VTI1A: variants seen among roughly 807,000 people sequenced by gnomAD.
VTI1A encodes the protein vesicle transport through interaction with t-SNAREs homolog 1A.
Under a neutral mutation model 34.9 loss-of-function variants are expected in VTI1A, and 22 were observed. The observed-to-expected ratio is 0.63, with a 90% CI of 0.45 to 0.90. The LOEUF is 0.90. Among genes scored for constraint, VTI1A ranks in the 40% least tolerant of loss-of-function variants. The pLI, the probability that VTI1A is intolerant of heterozygous loss-of-function variation, is 0.00. For synonymous variants in VTI1A, 87 were observed against 97.3 expected, an observed-to-expected ratio of 0.89 and a Z score of 0.62; for missense variants, 268 against 275.6, an observed-to-expected ratio of 0.97 and a Z score of 0.20.
intron 5 of VTI1A, among the ~76,000 whole-genome samples, chr10:112,616,372 A>G (rs1845514677): frequency 6.6e-6 from 1 of 152,198 alleles, no homozygotes; most frequent in Admixed American, 6.5e-5. Context: ...AAACTCTTCT[A>G]TTTAGCCAGT....
intron 5 of VTI1A, among the ~76,000 whole-genome samples, chr10:112,580,333 G>A (rs904643493): frequency 6.6e-6 from 1 of 152,166 alleles, no homozygotes; most frequent in Non-Finnish European, 1.5e-5. Context: ...CAAATAGGAA[G>A]CCAAGTTACT....
chr10:112,735,411 G>A (rs1182803936), intron 7 of VTI1A, among the ~76,000 whole-genome samples: 4 of 152,120 alleles, frequency 2.6e-5, no homozygotes, highest in Non-Finnish European at 5.9e-5. Flanking sequence ...TAAATTAAAT[G>A]CCGAGTAAAC....
chr10:112,447,612 T>C, intron 1 of VTI1A, 145 bp downstream of exon 1: 5 of 953,360 alleles, frequency 5.2e-6, no homozygotes, highest in Admixed American at 2.2e-5. Context: ...ACGGCTTGGC[T>C]TGGTTGAGGG....
chr10:112,686,709 A>C (rs759452523), intron 7 of VTI1A, among the ~76,000 whole-genome samples: 1 of 152,180 alleles, frequency 6.6e-6, no homozygotes, highest in Non-Finnish European at 1.5e-5. Context: ...AGTGCCTACT[A>C]TATGCTCTGG....
At chr10:112,517,128 A>G (rs897221659) in intron 3 of VTI1A, among the ~76,000 whole-genome samples, 1 of 152,004 alleles carries the variant, frequency 6.6e-6, no homozygotes, top group African/African-American at 2.4e-5. Context: ...AGAAGTTACA[A>G]TGAAGGAGAC....
chr10:112,811,054 G>A (rs1371183601), intron 7 of VTI1A, among the ~76,000 whole-genome samples: 4 of 152,234 alleles, frequency 2.6e-5, no homozygotes, highest in Admixed American at 6.5e-5. Context: ...TTGTCTGAGA[G>A]GCGGACGGTA....
chr10:112,824,610 A>T, the VTI1A span: 4 of 152,354 alleles, frequency 2.6e-5, no homozygotes, highest in Admixed American at 2.6e-4. Context: ...CTGTGGCTGG[A>T]ATGCGGCCAC....
At chr10:112,519,536 C>T (rs1389011351) in intron 3 of VTI1A, among the ~76,000 whole-genome samples, 1 of 151,980 alleles carries the variant, frequency 6.6e-6, no homozygotes, top group African/African-American at 2.4e-5. Flanking sequence ...AGAAACAAAA[C>T]CTTTAGACTA....
chr10:112,779,283 A>G (rs1438210900), intron 7 of VTI1A, among the ~76,000 whole-genome samples: 1 of 152,242 alleles, frequency 6.6e-6, no homozygotes, highest in East Asian at 1.9e-4. Flanking sequence ...TAATAGCTTC[A>G]TGTATTTACT....
intron 7 of VTI1A, among the ~76,000 whole-genome samples, chr10:112,704,936 TG>T (rs1849141462): frequency 1.3e-5 from 2 of 152,176 alleles, no homozygotes; most frequent in Admixed American, 1.3e-4. Flanking sequence ...CGACCCAGCC[TG>T]GAGTGCAGTG....
intron 2 of VTI1A, among the ~76,000 whole-genome samples, chr10:112,461,883 T>C (rs1185906716): frequency 6.6e-6 from 1 of 152,134 alleles, no homozygotes; most frequent in Non-Finnish European, 1.5e-5. Flanking sequence ...CTTGGCTACT[T>C]TGTTTGTTTG....
intron 7 of VTI1A, among the ~76,000 whole-genome samples, chr10:112,773,299 G>T (rs1851866962): frequency 6.6e-6 from 1 of 152,188 alleles, no homozygotes; most frequent in African/African-American, 2.4e-5. Context: ...GTTTGGGAAA[G>T]CACATAGTAC....
At chr10:112,777,738 A>G (rs968656622) in intron 7 of VTI1A, among the ~76,000 whole-genome samples, 1 of 152,270 alleles carries the variant, frequency 6.6e-6, no homozygotes, top group Admixed American at 6.5e-5. Flanking sequence ...CCTCTTCACT[A>G]AGGAAGTGCT....
At chr10:112,737,359 A>G (rs1424668201) in intron 7 of VTI1A, 3 of 1,025,688 alleles carry the variant, frequency 2.9e-6, no homozygotes, top group Non-Finnish European at 3.5e-6. Flanking sequence ...TTTTAAAAGG[A>G]GGAATTTAAA....
chr10:112,483,713 C>T (rs1013640351), intron 3 of VTI1A, among the ~76,000 whole-genome samples: 3 of 152,152 alleles, frequency 2.0e-5, no homozygotes, highest in Admixed American at 6.5e-5. Context: ...CCAAATATCC[C>T]GTTGGGGGCA....
chr10:112,727,175 T>G (rs972901933), intron 7 of VTI1A, among the ~76,000 whole-genome samples: 2 of 152,150 alleles, frequency 1.3e-5, no homozygotes, highest in South Asian at 4.1e-4. Context: ...GGTTGGAAAT[T>G]AAAAACCAAA....
intron 2 of VTI1A, among the ~76,000 whole-genome samples, chr10:112,464,152 C>G (rs549434782): frequency 4.7e-4 from 71 of 152,282 alleles, no homozygotes; most frequent in South Asian, 1.2e-3. Context: ...GTGCCCACCA[C>G]CACGCCCAGC....
At chr10:112,736,461 G>A (rs758420370) in intron 7 of VTI1A, among the ~76,000 whole-genome samples, 10 of 152,138 alleles carry the variant, frequency 6.6e-5, no homozygotes, top group Non-Finnish European at 1.2e-4. Context: ...TGGGCAGACG[G>A]ATAGATGGGT....
At chr10:112,477,103 C>G (rs1848302012) in intron 3 of VTI1A, among the ~76,000 whole-genome samples, 1 of 152,134 alleles carries the variant, frequency 6.6e-6, no homozygotes, top group South Asian at 2.1e-4. Flanking sequence ...ATTTCAAGTC[C>G]TCATAAACCT....
Sources: allele counts gnomAD v4.1 joint callset (sites outside exome capture counted in the v4.1 genomes callset), GRCh38; gene constraint gnomAD v4.1.1; transcripts MANE v1.5; gene names NCBI Gene and HGNC (gene_info 2026-07-23, HGNC 2026-07-21).